The following CSMD1 variants were observed in gnomAD, a reference collection of about 807,000 sequenced individuals.
CSMD1 encodes the protein CUB and sushi domain-containing protein 1.
In CSMD1, 213 loss-of-function variants were observed where a neutral mutation model predicts 417.5. The ratio of observed to expected loss-of-function variants is 0.51; its 90% CI spans 0.46 to 0.57. The LOEUF is 0.57. Among genes scored for constraint, CSMD1 ranks in the 20% least tolerant of loss-of-function variants. The probability of loss-of-function intolerance (pLI) is 0.00; values close to 1 mark genes in which losing one functional copy is unlikely to be tolerated. For synonymous variants in CSMD1, 2,862 were observed against 1,736.8 expected (o/e 1.65, Z -16.11); for missense variants, 6,923 against 4,529.7 (o/e 1.53, Z -15.17).
At chr8:4,353,215 G>C (rs1002458984) in intron 3 of CSMD1, among the ~76,000 whole-genome samples, 1 of 152,004 alleles carries the variant, frequency 6.6e-6, no homozygotes, top group Non-Finnish European at 1.5e-5. Flanking sequence ...GGAGACAAGT[G>C]AATCATGACG....
rs1276176981 is a variant in CSMD1, at chr8:3,695,087, C to CGTGTGTGTGTGTGTGTGTGTGT, written c.1009+13305_1009+13326dup. 3.7e-3 allele frequency among the ~76,000 whole-genome samples: 538 copies of CGTGTGTGTGTGTGTGTGTGTGT among 145,578 alleles called. 10 individuals carry two copies. Among genetic ancestry groups the CGTGTGTGTGTGTGTGTGTGTGT allele is most frequent in the Middle Eastern group, 0.011 (3 of 280 alleles). ...CATCACAAAAGAATTGGAGGCCCTG[C>CGTGTGTGTGTGTGTGTGTGTGT]GTGTGTGTGTGTGTGTGTGTGTGTG... is the stretch of plus-strand genomic sequence containing the variant. On this transcript the variant is annotated intron_variant, in intron 7 of 69. Transcript: ENST00000635120.
intron 10 of CSMD1, among the ~76,000 whole-genome samples, chr8:3,565,131 CAAAA>C (rs869248314): frequency 0.012 from 125 of 10,438 alleles, no homozygotes; most frequent in African/African-American, 0.028. Context: ...TGCAAGACAG[CAAAA>C]AAAAAAAAAA....
At chr8:4,482,566 G>A (rs527661421) in intron 2 of CSMD1, among the ~76,000 whole-genome samples, 5 of 152,294 alleles carry the variant, frequency 3.3e-5, no homozygotes, top group Admixed American at 6.5e-5. Flanking sequence ...ACATGTGCAC[G>A]TGTCTTTGTG....
intron 1 of CSMD1, among the ~76,000 whole-genome samples, chr8:4,724,720 G>C (rs293872): frequency 6.6e-6 from 1 of 151,848 alleles, no homozygotes; most frequent in Non-Finnish European, 1.5e-5. Context: ...ATCTTGGTAA[G>C]ATTAATCAAC....
At chr8:4,749,729 A>G (rs2117042574) in intron 1 of CSMD1, among the ~76,000 whole-genome samples, 1 of 152,344 alleles carries the variant, frequency 6.6e-6, no homozygotes, top group East Asian at 1.9e-4. Flanking sequence ...TAATTTTAAT[A>G]ATTACATATT....
chr8:4,351,761 G>T (rs1286259184), intron 3 of CSMD1, among the ~76,000 whole-genome samples: 1 of 152,098 alleles, frequency 6.6e-6, no homozygotes, highest in Non-Finnish European at 1.5e-5. Context: ...CACTTGAGAA[G>T]ATGTGAAATT....
intron 3 of CSMD1, among the ~76,000 whole-genome samples, chr8:4,142,072 T>C (rs376963323): frequency 3.2e-4 from 41 of 128,962 alleles, no homozygotes; most frequent in Middle Eastern, 8.1e-3. Flanking sequence ...GAAAAAAAAA[T>C]AACTCCATAC....
intron 11 of CSMD1, among the ~76,000 whole-genome samples, chr8:3,476,273 T>C (rs993878079): frequency 1.3e-5 from 2 of 152,198 alleles, no homozygotes; most frequent in African/African-American, 4.8e-5. Flanking sequence ...AATTCCCATG[T>C]TGTTGTGTGT....
chr8:3,362,298 G>A (rs962556034), intron 20 of CSMD1, among the ~76,000 whole-genome samples: 3 of 152,148 alleles, frequency 2.0e-5, no homozygotes, highest in African/African-American at 7.2e-5. Context: ...TTCCAAGACT[G>A]TCTTCCTCTC....
At chr8:4,168,944 G>A (rs1797610918) in intron 3 of CSMD1, among the ~76,000 whole-genome samples, 2 of 152,134 alleles carry the variant, frequency 1.3e-5, no homozygotes, top group South Asian at 2.1e-4. Flanking sequence ...GGCCTTTGAG[G>A]TACCTGATCA....
chr8:4,057,444 G>A (rs909922608), intron 3 of CSMD1, among the ~76,000 whole-genome samples: 17 of 152,150 alleles, frequency 1.1e-4, no homozygotes, highest in African/African-American at 3.6e-4. Flanking sequence ...CCCTTTGTCA[G>A]ATGAGTAGGT....
At chr8:3,839,643 A>C (rs1251601088) in intron 5 of CSMD1, among the ~76,000 whole-genome samples, 1 of 140,638 alleles carries the variant, frequency 7.1e-6, no homozygotes, top group Non-Finnish European at 1.5e-5. Flanking sequence ...CAAGAGTGAC[A>C]CTTCAACTCA....
At chr8:3,942,310 C>T (rs1367348254) in intron 5 of CSMD1, among the ~76,000 whole-genome samples, 1 of 152,122 alleles carries the variant, frequency 6.6e-6, no homozygotes, top group African/African-American at 2.4e-5. Flanking sequence ...CCTCCTCTTC[C>T]AGTGGAAAAA....
intron 54 of CSMD1, among the ~76,000 whole-genome samples, chr8:2,989,515 T>A (rs1806197986): frequency 6.6e-6 from 1 of 152,168 alleles, no homozygotes; most frequent in African/African-American, 2.4e-5. Flanking sequence ...TTTTTAAAAT[T>A]AAGTTTGTTT....
chr8:3,147,172 G>A (rs907279128), intron 40 of CSMD1, among the ~76,000 whole-genome samples: 3 of 152,244 alleles, frequency 2.0e-5, no homozygotes, highest in Non-Finnish European at 2.9e-5. Flanking sequence ...ACAATCTGAA[G>A]CCTAGAAATT....
intron 3 of CSMD1, among the ~76,000 whole-genome samples, chr8:4,107,418 T>G (rs887912325): frequency 6.6e-6 from 1 of 152,194 alleles, no homozygotes; most frequent in African/African-American, 2.4e-5. Flanking sequence ...AGAAAATGTC[T>G]TGATACACAT....
chr8:4,203,252 G>C (rs955113282), intron 3 of CSMD1, among the ~76,000 whole-genome samples: 2 of 151,982 alleles, frequency 1.3e-5, no homozygotes, highest in Non-Finnish European at 1.5e-5. Flanking sequence ...AATGTTGGCA[G>C]CCTGCAGAAG....
chr8:3,360,387 G>C (rs532572069), intron 20 of CSMD1, among the ~76,000 whole-genome samples: 1 of 152,186 alleles, frequency 6.6e-6, no homozygotes, highest in Admixed American at 6.5e-5. Context: ...GTATAATTGA[G>C]CTCTGGCTGT....
intron 5 of CSMD1, among the ~76,000 whole-genome samples, chr8:3,994,003 G>C (rs1284189384): frequency 6.6e-6 from 1 of 152,170 alleles, no homozygotes; most frequent in East Asian, 1.9e-4. Context: ...AAGGGGATGG[G>C]CGTGCCTGGC....
Sources: allele counts gnomAD v4.1 joint callset (sites outside exome capture counted in the v4.1 genomes callset), GRCh38; gene constraint gnomAD v4.1.1; transcripts MANE v1.5; gene names NCBI Gene and HGNC (gene_info 2026-07-23, HGNC 2026-07-21).